The following ITPR2 variants were observed in gnomAD, a reference collection of about 807,000 sequenced individuals.
ITPR2 encodes the protein inositol 1,4,5-trisphosphate-gated calcium channel ITPR2.
A neutral mutation model predicts 317.1 loss-of-function variants in ITPR2; 207 were observed. The ratio of observed to expected loss-of-function variants is 0.65; its 90% CI spans 0.58 to 0.73. The LOEUF (loss-of-function observed/expected upper bound fraction) is 0.73. Ranked by LOEUF, ITPR2 falls within the 30% of genes least tolerant of loss-of-function variation. The pLI, the probability that ITPR2 is intolerant of heterozygous loss-of-function variation, is 0.00. For missense variants in ITPR2, 2,613 were observed against 3,284.0 expected (o/e 0.80, Z 4.99); for synonymous variants, 1,156 against 1,149.1 (o/e 1.01, Z -0.12).
At chr12:26,397,023 A>G (rs547744316) in intron 54 of ITPR2, among the ~76,000 whole-genome samples, 1 of 151,360 alleles carries the variant, frequency 6.6e-6, no homozygotes, top group Non-Finnish European at 1.5e-5. Flanking sequence ...ATGACCTCCT[A>G]CCTGATGACT....
At chr12:26,765,907 A>C (rs1949711595) in intron 2 of ITPR2, among the ~76,000 whole-genome samples, 1 of 152,180 alleles carries the variant, frequency 6.6e-6, no homozygotes, top group East Asian at 1.9e-4. Context: ...GTAGCATTTT[A>C]TAACTGGATT....
intron 50 of ITPR2, among the ~76,000 whole-genome samples, chr12:26,418,379 A>T (rs1940788431): frequency 6.6e-6 from 1 of 152,196 alleles, no homozygotes; most frequent in Non-Finnish European, 1.5e-5. Context: ...GCTTCAAAAC[A>T]TTATCACATA....
chr12:26,688,535 G>A (rs2136974858), intron 10 of ITPR2, among the ~76,000 whole-genome samples: 1 of 152,204 alleles, frequency 6.6e-6, no homozygotes, highest in South Asian at 2.1e-4. Flanking sequence ...GGAAGAAGGA[G>A]AAGCAGAGGA....
At chr12:26,696,408 C>T (rs1948351861) in intron 9 of ITPR2, among the ~76,000 whole-genome samples, 1 of 152,132 alleles carries the variant, frequency 6.6e-6, no homozygotes, top group Non-Finnish European at 1.5e-5. Context: ...TGTGAATCAA[C>T]TGGTGTATAC....
At chr12:26,442,737 G>C (rs1941514922) in intron 46 of ITPR2, among the ~76,000 whole-genome samples, 1 of 152,100 alleles carries the variant, frequency 6.6e-6, no homozygotes, top group South Asian at 2.1e-4. Context: ...ACAAAGGTTT[G>C]ACAATAGTAA....
At chr12:26,634,406 T>C (rs969813855) in intron 21 of ITPR2, among the ~76,000 whole-genome samples, 4 of 152,204 alleles carry the variant, frequency 2.6e-5, no homozygotes, top group Admixed American at 2.0e-4. Flanking sequence ...AATTAGTTAA[T>C]ATTGACTGGA....
intron 9 of ITPR2, among the ~76,000 whole-genome samples, chr12:26,695,974 A>G (rs1186931274): frequency 6.6e-6 from 1 of 151,300 alleles, no homozygotes; most frequent in Non-Finnish European, 1.5e-5. Context: ...AAAAACTGCC[A>G]TTTACCAATA....
intron 55 of ITPR2, among the ~76,000 whole-genome samples, chr12:26,366,491 C>CT (rs373394236): frequency 6.6e-6 from 1 of 152,136 alleles, no homozygotes; most frequent in African/African-American, 2.4e-5. Context: ...AATACATTTT[C>CT]TTTTTGTTGA....
intron 21 of ITPR2, among the ~76,000 whole-genome samples, chr12:26,644,581 A>G (rs1947069148): frequency 1.3e-5 from 2 of 152,220 alleles, no homozygotes; most frequent in Non-Finnish European, 1.5e-5. Flanking sequence ...GCAAAGTCAT[A>G]TCTTACATGG....
chr12:26,746,487 C>A lies in ITPR2; in HGVS notation c.164-20722G>T, dbSNP rs79500338. Reference sequence around the variant, plus strand: ...AAACTTTCTTTAGCTGCAGCTTGGTCCTAACTGAGTGTGTCCTGCCTCTTA... The same window carrying A: ...AAACTTTCTTTAGCTGCAGCTTGGTACTAACTGAGTGTGTCCTGCCTCTTA... On this transcript the variant is annotated intron_variant, in intron 2 of 56. Transcript: ENST00000381340. Among the ~76,000 whole-genome samples the A allele has an allele frequency of 6.2e-3, 951 of 152,284 alleles. 10 individuals carry two copies. The highest frequency in any genetic ancestry group is 0.021 in the African/African-American group (878 of 41,542).
At chr12:26,407,859 A>T (rs1442319939) in intron 52 of ITPR2, among the ~76,000 whole-genome samples, 6 of 152,222 alleles carry the variant, frequency 3.9e-5, no homozygotes, top group Non-Finnish European at 8.8e-5. Context: ...ATTAAGTGAC[A>T]TAATGCACAC....
At chr12:26,720,419 A>G (rs948538190) in intron 5 of ITPR2, among the ~76,000 whole-genome samples, 1 of 152,144 alleles carries the variant, frequency 6.6e-6, no homozygotes, top group Non-Finnish European at 1.5e-5. Flanking sequence ...TAGTTGAACC[A>G]CTGGTTATGA....
Position 26,556,564 on chromosome 12 carries a change from T to TGTGTGTGTG in ITPR2, c.4822-190_4822-189insCACACACAC, listed in dbSNP as rs558329274. Among the ~76,000 whole-genome samples, 658 of 111,648 alleles carry TGTGTGTGTG rather than the reference T, an allele frequency of 5.9e-3. 3 individuals carry two copies. Among genetic ancestry groups the TGTGTGTGTG allele is most frequent in the Non-Finnish European group, 9.8e-3 (460 of 46,794 alleles). The allele number at this position is 111,648 out of a possible 152,430, so 73.2% of individuals were successfully genotyped here. Reference sequence around the variant, plus strand: ...ATATTGCCTGGGTCTCTATTTTTTTTTTTGTGTGTGTGTGTGTGTGTGTGT... The same window carrying TGTGTGTGTG: ...ATATTGCCTGGGTCTCTATTTTTTTTGTGTGTGTGTTTGTGTGTGTGTGTGTGTGTGTGT... On this transcript the variant is annotated intron_variant, in intron 35 of 56. Coordinates refer to ENST00000381340, the MANE Select transcript of ITPR2 (RefSeq NM_002223.4).
chr12:26,706,141 T>C (rs1948545903), intron 9 of ITPR2, among the ~76,000 whole-genome samples: 1 of 152,212 alleles, frequency 6.6e-6, no homozygotes, highest in Non-Finnish European at 1.5e-5. Flanking sequence ...ATGTGCATTA[T>C]TTCGTGTGGC....
intron 2 of ITPR2, among the ~76,000 whole-genome samples, chr12:26,763,901 T>G (rs1305897168): frequency 6.6e-6 from 1 of 152,078 alleles, no homozygotes; most frequent in African/African-American, 2.4e-5. Context: ...TTCCCTACCC[T>G]CCTCCTCAAC....
At chr12:26,380,534 T>C (rs1022021440) in intron 55 of ITPR2, among the ~76,000 whole-genome samples, 1 of 152,236 alleles carries the variant, frequency 6.6e-6, no homozygotes, top group African/African-American at 2.4e-5. Context: ...TTCCTTGAAA[T>C]GTAAACATTT....
At chr12:26,465,607 C>T (rs745958674) in intron 45 of ITPR2, among the ~76,000 whole-genome samples, 69 of 144,950 alleles carry the variant, frequency 4.8e-4, no homozygotes, top group Middle Eastern at 3.5e-3. Context: ...CTCTTGCTCC[C>T]TCTGGCGCCC....
intron 32 of ITPR2, among the ~76,000 whole-genome samples, chr12:26,595,063 T>A (rs1945808202): frequency 6.6e-6 from 1 of 152,206 alleles, no homozygotes; most frequent in African/African-American, 2.4e-5. Flanking sequence ...CAAGTACCTA[T>A]CTGCCTGAAA....
At chr12:26,596,734 C>T (rs1205148000) in intron 31 of ITPR2, 149 bp downstream of exon 31, 3 of 448,702 alleles carry the variant, frequency 6.7e-6, no homozygotes, top group Non-Finnish European at 1.0e-5. Flanking sequence ...TGCTCTTTTA[C>T]ATTTTCCAAA....
Sources: allele counts gnomAD v4.1 joint callset (sites outside exome capture counted in the v4.1 genomes callset), GRCh38; gene constraint gnomAD v4.1.1; transcripts MANE v1.5; gene names NCBI Gene and HGNC (gene_info 2026-07-23, HGNC 2026-07-21).